The following MYO9A variants were observed in gnomAD, a reference collection of about 807,000 sequenced individuals.
MYO9A encodes unconventional myosin-IXa.
MYO9A carries 103 observed loss-of-function variants against 293.3 expected under a neutral mutation model. The ratio of observed to expected loss-of-function variants is 0.35; its 90% CI spans 0.30 to 0.41. The LOEUF is 0.41. Among genes scored for constraint, MYO9A ranks in the 10% least tolerant of loss-of-function variants. MYO9A has a pLI of 1.00. For synonymous variants in MYO9A, 1,001 were observed against 1,035.7 expected, an observed-to-expected ratio of 0.97 and a Z score of 0.64; for missense variants, 2,685 against 3,033.0, an observed-to-expected ratio of 0.89 and a Z score of 2.69.
At chr15:71,829,967 T>G (rs944462047) in intron 40 of MYO9A, 142 bp downstream of exon 40, 1 of 917,288 alleles carries the variant, frequency 1.1e-6, no homozygotes, top group Admixed American at 2.4e-5. Context: ...CAACACGTCT[T>G]TGTCATCTCA....
At chr15:72,049,779 G>A (rs902255033) in intron 1 of MYO9A, among the ~76,000 whole-genome samples, 2 of 152,190 alleles carry the variant, frequency 1.3e-5, no homozygotes, top group Non-Finnish European at 2.9e-5. Context: ...CTGATGATCT[G>A]AGGCAGAATA....
chr15:72,018,607 A>T (rs894545242), intron 6 of MYO9A, among the ~76,000 whole-genome samples: 1 of 152,244 alleles, frequency 6.6e-6, no homozygotes, highest in African/African-American at 2.4e-5. Context: ...AAGACTGTTG[A>T]TATATAAAAC....
chr15:71,826,899 G>C lies in MYO9A; in HGVS notation c.7328C>G (p.Ser2443Ter). The C allele has an allele frequency of 1.2e-6, 2 of 1,614,122 alleles. No homozygotes were observed. The highest frequency in any genetic ancestry group is 1.7e-6 in the Non-Finnish European group (2 of 1,179,974). ...VSSLCLSNTA[S>*]SHGTRKLFQI... The stretch of plus-strand genomic sequence containing the variant: ...AAATAGTTTTCTGGTCCCATGAGAT[G>C]ATGCCGTGTTAGACAGACATAAAGA... Residue 2443 changes from serine (S) to a stop codon, truncating the protein, a stop_gained, in exon 42 of 42, where the codon TCA becomes TGA. Coordinates refer to ENST00000356056, the MANE Select transcript of MYO9A (RefSeq NM_006901.4). LOFTEE classifies it high-confidence loss of function.
chr15:72,033,334 A>G (rs2077936538), intron 2 of MYO9A, among the ~76,000 whole-genome samples: 1 of 152,198 alleles, frequency 6.6e-6, no homozygotes, highest in Non-Finnish European at 1.5e-5. Context: ...ACAATTTTAG[A>G]ATAGAATGAA....
At chr15:72,048,434 G>A in intron 1 of MYO9A, among the ~76,000 whole-genome samples, 1 of 152,060 alleles carries the variant, frequency 6.6e-6, no homozygotes, top group South Asian at 2.1e-4. Flanking sequence ...AAACTAGTGA[G>A]GAAAGGACAA....
At chr15:71,922,561 A>G (rs2145129509) in intron 18 of MYO9A, among the ~76,000 whole-genome samples, 1 of 150,144 alleles carries the variant, frequency 6.7e-6, no homozygotes, top group East Asian at 2.0e-4. Flanking sequence ...GAACCTGTCT[A>G]ACTGAAACAT....
At position 71,880,359 on chromosome 15, in the gene MYO9A, G is replaced by A; in HGVS notation, c.5598C>T (p.Ser1866=). 6.2e-7 allele frequency: 1 copy of A among 1,614,164 alleles called. No individual in the cohort carries two copies. The highest frequency in any genetic ancestry group is 8.5e-7 in the Non-Finnish European group (1 of 1,179,992). ...CCTTTTTCAGAAGAAATTCATCCAT[G>A]CTTTTTAAATCACTGACACTTGCTA... ...QIIASVSDLK[S]MDEFLLKKVN... The change falls in exon 29 of 42, where the codon AGC becomes AGT. Residue 1866 remains serine (S), a synonymous_variant. Transcript: ENST00000356056.
At chr15:72,006,709 C>T (rs2077027470) in intron 8 of MYO9A, among the ~76,000 whole-genome samples, 1 of 151,960 alleles carries the variant, frequency 6.6e-6, no homozygotes. Context: ...TTGGGGGATT[C>T]CACGAAGGAA....
intron 25 of MYO9A, among the ~76,000 whole-genome samples, chr15:71,896,053 C>T (rs2057317881): frequency 1.3e-5 from 2 of 152,154 alleles, no homozygotes. Flanking sequence ...GCATATGCTA[C>T]ACAGAGTCTT....
intron 1 of MYO9A, among the ~76,000 whole-genome samples, chr15:72,062,609 CAATT>C (rs1566997714): frequency 1.3e-5 from 2 of 152,054 alleles, no homozygotes; most frequent in African/African-American, 4.8e-5. Flanking sequence ...GCAGGAGAAA[CAATT>C]AATGAGCTTG....
At position 71,926,115 on chromosome 15, in the gene MYO9A, C is replaced by T. The variant is rs1887253730; in HGVS notation, c.2562+7555G>A. Among the ~76,000 whole-genome samples the T allele has an allele frequency of 2.0e-5, 3 of 151,890 alleles. No individual in the cohort carries two copies. In the South Asian group the frequency reaches 6.3e-4, roughly 32 times the overall value. On this transcript the variant is annotated intron_variant, in intron 18 of 41. Transcript: ENST00000356056. The stretch of plus-strand genomic sequence containing the variant: ...CTAGGTAGGTGCAGCAGTGTAGTCT[C>T]TGTGTAATTTCTTTACCTGTAGTCA...
At position 71,831,236 on chromosome 15, in the gene MYO9A, G is replaced by A. The variant is rs769249220; in HGVS notation, c.6838-925C>T. Among the ~76,000 whole-genome samples, 5 of 152,122 alleles carry A rather than the reference G, an allele frequency of 3.3e-5. No homozygotes were observed. In the East Asian group the frequency reaches 5.8e-4, roughly 18 times the overall value. On this transcript the variant is annotated intron_variant, in intron 39 of 41. Transcript: ENST00000356056. Reference sequence around the variant, plus strand: ...AGCAGAGGACGGCAAACTATAGCCCGTGTGGCAAATCTAGCCTTGCACATA... The same window carrying A: ...AGCAGAGGACGGCAAACTATAGCCCATGTGGCAAATCTAGCCTTGCACATA...
intron 14 of MYO9A, among the ~76,000 whole-genome samples, chr15:71,956,310 TAAAA>T (rs869151550): frequency 1.4e-4 from 5 of 36,762 alleles, no homozygotes; most frequent in African/African-American, 3.1e-4. Context: ...ACCCGGCTCT[TAAAA>T]AAAAAAAAAA....
chr15:71,955,972 T>C (rs1176211660), intron 14 of MYO9A, among the ~76,000 whole-genome samples: 2 of 152,044 alleles, frequency 1.3e-5, no homozygotes, highest in Non-Finnish European at 2.9e-5. Flanking sequence ...GAGTATTGTA[T>C]GATTCCATAT....
At chr15:72,062,357 T>C (rs950175053) in intron 1 of MYO9A, among the ~76,000 whole-genome samples, 1 of 151,938 alleles carries the variant, frequency 6.6e-6, no homozygotes, top group Non-Finnish European at 1.5e-5. Flanking sequence ...CCAAACAAAC[T>C]AAATAAGGCA....
Position 71,824,495 on chromosome 15 carries a change from A to T in MYO9A, c.*2085T>A, listed in dbSNP as rs968502993. On this transcript the variant is annotated 3_prime_UTR_variant, in exon 42 of 42. Transcript: ENST00000356056. The stretch of plus-strand genomic sequence containing the variant: ...CTGGAGCAAGTGCAGAGTAACAATT[A>T]ATGCCCAGCAGTACACTACTCTCCC... 3.9e-5 allele frequency: 6 copies of T among 152,190 alleles called. No homozygotes were observed. Among genetic ancestry groups the T allele is most frequent in the African/African-American group, 1.4e-4 (6 of 41,432 alleles). The allele number at this position is 152,190 out of a possible 1,614,324, so 9.4% of individuals were successfully genotyped here. A position where few individuals can be genotyped will look rare whatever the true frequency, so the allele number is the denominator to read the frequency against.
chr15:71,872,573 A>G (rs1385740508), intron 32 of MYO9A, among the ~76,000 whole-genome samples: 1 of 152,154 alleles, frequency 6.6e-6, no homozygotes, highest in African/African-American at 2.4e-5. Flanking sequence ...GAATACTCAC[A>G]TGTACCCCCA....
intron 16 of MYO9A, 89 bp downstream of exon 16, chr15:71,938,763 C>T: frequency 8.6e-7 from 1 of 1,168,946 alleles, no homozygotes; most frequent in Non-Finnish European, 1.2e-6. Context: ...GCCTGAATTA[C>T]TTCAAACTTT....
At chr15:71,982,036 T>C (rs1169625895) in intron 11 of MYO9A, among the ~76,000 whole-genome samples, 2 of 72,996 alleles carry the variant, frequency 2.7e-5, no homozygotes, top group African/African-American at 7.3e-5. Context: ...TTTTTTTTTT[T>C]TGGGACAGAG....
Sources: allele counts gnomAD v4.1 joint callset (sites outside exome capture counted in the v4.1 genomes callset), GRCh38; gene constraint gnomAD v4.1.1; transcripts MANE v1.5; gene names NCBI Gene and HGNC (gene_info 2026-07-23, HGNC 2026-07-21).